Variants in ADGRG7 observed in about 807,000 individuals in gnomAD.
ADGRG7 encodes the protein G-protein coupled receptor 128.
Under a neutral mutation model 88.6 loss-of-function variants are expected in ADGRG7, and 82 were observed. The observed-to-expected ratio is 0.93, with a 90% confidence interval of 0.77 to 1.11. The LOEUF is 1.11. ADGRG7 is among the 50% of genes most tolerant of loss of function. The pLI is 0.00. For synonymous variants in ADGRG7, 381 were observed against 345.2 expected (o/e 1.10, Z -1.15); for missense variants, 945 against 953.4 (o/e 0.99, Z 0.12).
At chr3:100,628,670 T>C (rs1281773937) in intron 1 of ADGRG7, among the ~76,000 whole-genome samples, 1 of 152,148 alleles carries the variant, frequency 6.6e-6, no homozygotes, top group African/African-American at 2.4e-5. Context: ...ATTCTTCCAC[T>C]TAGTTAATTT....
intron 14 of ADGRG7, among the ~76,000 whole-genome samples, chr3:100,660,690 T>C (rs911165230): frequency 3.9e-5 from 6 of 151,918 alleles, no homozygotes; most frequent in South Asian, 2.1e-4. Context: ...CAGTGGCTCA[T>C]GCCTGTAATC....
chr3:100,659,921 T>G, intron 14 of ADGRG7, 78 bp downstream of exon 14: 1 of 1,346,786 alleles, frequency 7.4e-7, no homozygotes, highest in South Asian at 1.4e-5. Context: ...ACATCCACAG[T>G]TTCAGAAGCT....
At chr3:100,681,909 C>T (rs1252134622) in intron 15 of ADGRG7, among the ~76,000 whole-genome samples, 3 of 152,186 alleles carry the variant, frequency 2.0e-5, no homozygotes, top group South Asian at 2.1e-4. Flanking sequence ...AAGCTCACTC[C>T]TGAAACTCCA....
Position 100,630,763 on chromosome 3 carries a change from C to T in ADGRG7, c.288C>T (p.Gly96=). The T allele has an allele frequency of 2.0e-6, 3 of 1,482,168 alleles. No homozygotes were observed. Among genetic ancestry groups the T allele is most frequent in the Non-Finnish European group, 2.7e-6 (3 of 1,117,684 alleles). 91.8% of individuals were successfully genotyped at this position (1,482,168 alleles called of 1,614,324 possible). A position where few individuals can be genotyped will look rare whatever the true frequency, so the allele number is the denominator to read the frequency against. ...TTACTTTTGCCAGAATCCCAGTGGG[C>T]AGATATGGACCATCCTTGCAAACAT... ...MGFTFARIPV[G]RYGPSLQTCG... is the part of the protein sequence containing the mutation. The change falls in exon 3 of 16, where the codon GGC becomes GGT. Residue 96 remains glycine, a synonymous_variant. Transcript: ENST00000273352.
In ADGRG7 at chr3:100,646,575, CA is replaced by C; in HGVS notation, c.1122del (p.Glu375AsnfsTer47). 1.2e-6 allele frequency: 2 copies of C among 1,611,614 alleles called. No homozygotes were observed. Among genetic ancestry groups the C allele is most frequent in the Non-Finnish European group, 1.7e-6 (2 of 1,178,648 alleles). On this transcript the variant is annotated frameshift_variant, in exon 10 of 16. Coordinates refer to ENST00000273352, the MANE Select transcript of ADGRG7 (RefSeq NM_032787.3). LOFTEE classifies it high-confidence loss of function. ...VDMVFSPKYN[Q>X]KEFQLYSYAC... The stretch of plus-strand genomic sequence containing the variant: ...TTGTCTTATCAATTCATAGTACAAC[CA>C]AAAAGAATTTCAACTCTATTCCTAT...
chr3:100,680,220 TA>T (rs2094971230), intron 15 of ADGRG7, among the ~76,000 whole-genome samples: 1 of 152,194 alleles, frequency 6.6e-6, no homozygotes, highest in South Asian at 2.1e-4. Flanking sequence ...ATCATTTAGA[TA>T]AAAAGGTTTC....
At chr3:100,634,788 A>G (rs1168693825) in intron 4 of ADGRG7, among the ~76,000 whole-genome samples, 1 of 152,206 alleles carries the variant, frequency 6.6e-6, no homozygotes, top group Non-Finnish European at 1.5e-5. Context: ...CCTGAGGGTG[A>G]ACAACTCACA....
At chr3:100,627,064 T>G (rs1196507966) in intron 1 of ADGRG7, among the ~76,000 whole-genome samples, 1 of 152,208 alleles carries the variant, frequency 6.6e-6, no homozygotes, top group Non-Finnish European at 1.5e-5. Flanking sequence ...CTTTTGTTTC[T>G]TTTTCCTGCG....
At chr3:100,656,568 T>C (rs1056707484) in intron 13 of ADGRG7, among the ~76,000 whole-genome samples, 7 of 152,220 alleles carry the variant, frequency 4.6e-5, no homozygotes, top group African/African-American at 1.7e-4. Context: ...ATTTGCTTTT[T>C]TTGTGTGGGG....
chr3:100,648,094 T>C (rs1037019896), intron 10 of ADGRG7, among the ~76,000 whole-genome samples: 1 of 152,216 alleles, frequency 6.6e-6, no homozygotes, highest in Non-Finnish European at 1.5e-5. Flanking sequence ...CTTTTTGATA[T>C]CTTAAAGTCA....
At chr3:100,649,287 C>T (rs763991683) in intron 10 of ADGRG7, among the ~76,000 whole-genome samples, 7 of 152,082 alleles carry the variant, frequency 4.6e-5, no homozygotes, top group African/African-American at 7.2e-5. Flanking sequence ...CATGAGGAAA[C>T]GTAGATGGAA....
chr3:100,670,069 ACCC>A (rs1417460188), intron 15 of ADGRG7, among the ~76,000 whole-genome samples: 1 of 151,996 alleles, frequency 6.6e-6, no homozygotes, highest in Non-Finnish European at 1.5e-5. Flanking sequence ...AACTATAATC[ACCC>A]TGTTGTGCTG....
At chr3:100,638,184 T>C (rs751470854) in intron 6 of ADGRG7, among the ~76,000 whole-genome samples, 6 of 152,230 alleles carry the variant, frequency 3.9e-5, no homozygotes, top group Non-Finnish European at 8.8e-5. Context: ...AACAGCCTTT[T>C]TGGGTACCTG....
chr3:100,609,656 A>G lies in ADGRG7; in HGVS notation c.-201A>G, dbSNP rs189158189. ...TGAGGAAATTGAAAGCAGAGTATGC[A>G]CCTTTTATTAGGAGATTCAAACTGC... On this transcript the variant is annotated 5_prime_UTR_variant, in exon 1 of 16. Coordinates refer to ENST00000273352, the MANE Select transcript of ADGRG7 (RefSeq NM_032787.3). 343 of 471,284 alleles carry G rather than the reference A, an allele frequency of 7.3e-4. 1 individual carries two copies. Among genetic ancestry groups the G allele is most frequent in the Middle Eastern group, 1.8e-3 (3 of 1,628 alleles). 29.2% of individuals were successfully genotyped at this position (471,284 alleles called of 1,614,324 possible). A position where few individuals can be genotyped will look rare whatever the true frequency, so the allele number is the denominator to read the frequency against.
intron 15 of ADGRG7, among the ~76,000 whole-genome samples, chr3:100,676,789 G>A (rs1293917049): frequency 6.6e-6 from 1 of 151,556 alleles, no homozygotes. Flanking sequence ...TCCAGTATTG[G>A]GCATATATAT....
At chr3:100,650,246 T>C (rs1291595843) in intron 11 of ADGRG7, among the ~76,000 whole-genome samples, 3 of 152,236 alleles carry the variant, frequency 2.0e-5, no homozygotes, top group Admixed American at 1.3e-4. Flanking sequence ...TGAAAGTTTT[T>C]GAATCCCATA....
At chr3:100,645,833 T>C in intron 8 of ADGRG7, 112 bp from the exon 9 acceptor site, 1 of 920,598 alleles carries the variant, frequency 1.1e-6, no homozygotes, top group Non-Finnish European at 1.6e-6. Context: ...CCATTTTTAC[T>C]GTACTTTACT....
At chr3:100,630,132 C>A (rs916543620) in intron 2 of ADGRG7, among the ~76,000 whole-genome samples, 7 of 151,942 alleles carry the variant, frequency 4.6e-5, no homozygotes, top group Non-Finnish European at 1.0e-4. Flanking sequence ...AAATTTTTAT[C>A]TTTTCTTCCT....
chr3:100,616,037 C>T (rs1182590424), intron 1 of ADGRG7, among the ~76,000 whole-genome samples: 4 of 152,102 alleles, frequency 2.6e-5, no homozygotes, highest in South Asian at 4.1e-4. Context: ...GTAATTGAAA[C>T]CCCAGGCTTT....
Sources: allele counts gnomAD v4.1 joint callset (sites outside exome capture counted in the v4.1 genomes callset), GRCh38; gene constraint gnomAD v4.1.1; transcripts MANE v1.5; gene names NCBI Gene and HGNC (gene_info 2026-07-23, HGNC 2026-07-21).